MTTP: variants seen among roughly 807,000 people sequenced by gnomAD.
The protein encoded by MTTP is microsomal triglyceride transfer protein, also known as microsomal triglyceride transfer protein large subunit.
MTTP carries 49 observed loss-of-function variants against 90.6 expected under a neutral mutation model. The observed-to-expected ratio is 0.54, with a 90% confidence interval of 0.43 to 0.69. The LOEUF (loss-of-function observed/expected upper bound fraction) is 0.69, where lower values mean the gene tolerates loss of function less well. Among genes scored for constraint, MTTP ranks in the 30% least tolerant of loss-of-function variants. The pLI, the probability that MTTP is intolerant of heterozygous loss-of-function variation, is 0.00. For missense variants in MTTP, 945 were observed against 1,067.5 expected, an observed-to-expected ratio of 0.89 and a Z score of 1.60; for synonymous variants, 347 against 384.2, an observed-to-expected ratio of 0.90 and a Z score of 1.13.
chr4:99,571,623 G>C (rs75346159), upstream of MTTP, among the ~76,000 whole-genome samples: 1 of 151,840 alleles, frequency 6.6e-6, no homozygotes, highest in African/African-American at 2.4e-5. Context: ...TAGATTCCCA[G>C]TGTTTCAAAC....
chr4:99,566,437 A>G lies in MTTP; in HGVS notation c.-102+2200A>G, dbSNP rs553384347. On this transcript the variant is annotated intron_variant, in intron 1 of 18. Transcript: ENST00000457717. ...GCACATACTTGTAGTTTAAGCTAAT[A>G]TAAGAGGTTGGACTCAAAGAGATAC... 3.9e-5 allele frequency among the ~76,000 whole-genome samples: 6 copies of G among 152,356 alleles called. No individual in the cohort carries two copies. The South Asian group carries it at 8.3e-4, about 21-fold the overall frequency.
chr4:99,591,866 GTGTT>G (rs985834194), intron 6 of MTTP, 76 bp downstream of exon 6: 3 of 1,297,834 alleles, frequency 2.3e-6, no homozygotes, highest in Non-Finnish European at 3.3e-6. Context: ...AAATAGATCT[GTGTT>G]TGTGTGTGTG....
At chr4:99,612,766 T>G in intron 14 of MTTP, 147 bp from the exon 15 acceptor site, 1 of 712,694 alleles carries the variant, frequency 1.4e-6, no homozygotes. Flanking sequence ...CAGAGGTTTT[T>G]GTCTGTTTTA....
At chr4:99,611,598 C>A in intron 14 of MTTP, 145 bp downstream of exon 14, 1 of 1,111,352 alleles carries the variant, frequency 9.0e-7, no homozygotes, top group Non-Finnish European at 1.3e-6. Context: ...ATTTCCTTAT[C>A]TGTAAGAGGC....
Position 99,602,254 on chromosome 4 carries a change from A to G in MTTP, c.1344+540A>G, listed in dbSNP as rs570305348. Among the ~76,000 whole-genome samples, 54 of 152,248 alleles carry G rather than the reference A, an allele frequency of 3.5e-4. 1 individual carries two copies. Among genetic ancestry groups the G allele is most frequent in the African/African-American group, 1.3e-3 (53 of 41,562 alleles). ...ATTTTATTTTCAATTTCATTTGCCT[A>G]AAGCTTTTCCACTTGCCTGAGTGGA... On this transcript the variant is annotated intron_variant, in intron 10 of 17. Coordinates refer to ENST00000265517, the MANE Select transcript of MTTP (RefSeq NM_001386140.1).
intron 1 of MTTP, among the ~76,000 whole-genome samples, chr4:99,576,990 C>T (rs545401495): frequency 6.6e-6 from 1 of 152,150 alleles, no homozygotes; most frequent in South Asian, 2.1e-4. Context: ...GGATCCTGGG[C>T]AAGAGAGCTT....
At chr4:99,572,069 C>T (rs1457439280), upstream of MTTP, among the ~76,000 whole-genome samples, 1 of 151,662 alleles carries the variant, frequency 6.6e-6, no homozygotes, top group Non-Finnish European at 1.5e-5. Context: ...TAAGAAAATA[C>T]GTTAACTCCT....
At chr4:99,604,977 G>A (rs1490025731) in intron 10 of MTTP, among the ~76,000 whole-genome samples, 1 of 152,076 alleles carries the variant, frequency 6.6e-6, no homozygotes, top group African/African-American at 2.4e-5. Context: ...ATGCTCAAAA[G>A]TTACTTGGAT....
At chr4:99,584,586 AAG>A (rs1378197402) in intron 3 of MTTP, among the ~76,000 whole-genome samples, 2 of 148,964 alleles carry the variant, frequency 1.3e-5, no homozygotes, top group African/African-American at 2.4e-5. Flanking sequence ...CACTATCTTC[AAG>A]AATGCTTTCT....
rs1324194300 is a variant in MTTP at position 99,576,720 on chromosome 4, T to G, written c.61+1750T>G. Reference sequence around the variant, plus strand: ...AAAAAAAAAAAAAAAAAAAAAAAATTTAAATATACACATACACTAGACAAT... The same window carrying G: ...AAAAAAAAAAAAAAAAAAAAAAAATGTAAATATACACATACACTAGACAAT... On this transcript the variant is annotated intron_variant, in intron 1 of 17. Coordinates refer to ENST00000265517, the MANE Select transcript of MTTP (RefSeq NM_001386140.1). Among the ~76,000 whole-genome samples the G allele has an allele frequency of 5.6e-5, 8 of 141,916 alleles. 1 individual carries two copies. The highest frequency in any genetic ancestry group is 1.8e-4 in the African/African-American group (7 of 38,098). 93.1% of individuals were successfully genotyped at this position (141,916 alleles called of 152,430 possible).
chr4:99,598,527 T>C (rs867856226), intron 8 of MTTP, among the ~76,000 whole-genome samples: 4 of 152,022 alleles, frequency 2.6e-5, no homozygotes, highest in African/African-American at 7.2e-5. Flanking sequence ...ATTTATACAA[T>C]ATTGAACCAT....
intron 1 of MTTP, among the ~76,000 whole-genome samples, chr4:99,569,503 CTG>C (rs1214082547): frequency 3.9e-5 from 6 of 152,000 alleles, no homozygotes; most frequent in Non-Finnish European, 5.9e-5. Flanking sequence ...ACAGAAGTAA[CTG>C]TGCAGGCTAT....
At chr4:99,608,247 C>A (rs928675567) in intron 11 of MTTP, among the ~76,000 whole-genome samples, 1 of 151,954 alleles carries the variant, frequency 6.6e-6, no homozygotes, top group African/African-American at 2.4e-5. Context: ...GAATTCGAGA[C>A]CAGACTGGCC....
At chr4:99,611,307 A>G (rs768804714) in intron 13 of MTTP, 25 bp from the exon 14 acceptor site, 1 of 1,613,976 alleles carries the variant, frequency 6.2e-7, no homozygotes, top group Non-Finnish European at 8.5e-7. Context: ...ACTGCTATTA[A>G]ATTACAGTTA....
intron 16 of MTTP, among the ~76,000 whole-genome samples, chr4:99,619,542 A>T (rs1726180267): frequency 1.3e-5 from 2 of 152,158 alleles, no homozygotes; most frequent in African/African-American, 4.8e-5. Context: ...TAAATAAAAT[A>T]CTCTAAGCTC....
At chr4:99,581,025 G>A (rs1159960566) in intron 1 of MTTP, among the ~76,000 whole-genome samples, 1 of 152,158 alleles carries the variant, frequency 6.6e-6, no homozygotes, top group Non-Finnish European at 1.5e-5. Flanking sequence ...AACCCCATTA[G>A]CATTGAGGAA....
chr4:99,568,642 G>C (rs984350677), intron 1 of MTTP, among the ~76,000 whole-genome samples: 4 of 152,088 alleles, frequency 2.6e-5, no homozygotes, highest in Admixed American at 2.6e-4. Flanking sequence ...TTCTAAGATT[G>C]GAGTAAAAAT....
Position 99,564,584 on chromosome 4 carries a change from A to C in MTTP, c.-102+347A>C, listed in dbSNP as rs186488423. On this transcript the variant is annotated intron_variant, in intron 1 of 18. Coordinates refer to the MTTP transcript ENST00000457717. ...ATCAGATGACATTTCATTGTTTATA[A>C]TACTTGACCTTATATAATCTTTTGC... Among the ~76,000 whole-genome samples, 187 of 152,320 alleles carry C rather than the reference A, an allele frequency of 1.2e-3. 1 individual carries two copies. Among genetic ancestry groups the C allele is most frequent in the Non-Finnish European group, 2.2e-3 (150 of 68,010 alleles).
chr4:99,600,435 A>G, intron 8 of MTTP, 130 bp from the exon 9 acceptor site: 1 of 942,948 alleles, frequency 1.1e-6, no homozygotes, highest in Non-Finnish European at 1.6e-6. Flanking sequence ...TCATTTTTTC[A>G]TTTGTTCAAA....
Sources: allele counts gnomAD v4.1 joint callset (sites outside exome capture counted in the v4.1 genomes callset), GRCh38; gene constraint gnomAD v4.1.1; transcripts MANE v1.5; gene names NCBI Gene and HGNC (gene_info 2026-07-23, HGNC 2026-07-21).